Variants in CEMIP observed in about 807,000 individuals in gnomAD.
CEMIP encodes the protein cell migration inducing hyaluronidase 1, also known as cell migration-inducing and hyaluronan-binding protein.
In CEMIP, 105 loss-of-function variants were observed where a neutral mutation model predicts 156.9. The observed-to-expected ratio is 0.67, with a 90% CI of 0.57 to 0.79. CEMIP has a LOEUF of 0.79. Among genes scored for constraint, CEMIP ranks in the 30% least tolerant of loss-of-function variants. CEMIP has a pLI of 0.00. For synonymous variants in CEMIP, 676 were observed against 668.4 expected, an observed-to-expected ratio of 1.01 and a Z score of -0.17; for missense variants, 1,457 against 1,769.4, an observed-to-expected ratio of 0.82 and a Z score of 3.17.
At chr15:80,896,237 G>A in intron 12 of CEMIP, 177 bp downstream of exon 12, 1 of 739,638 alleles carries the variant, frequency 1.4e-6, no homozygotes, top group South Asian at 1.5e-5. Context: ...GTATCTGCAG[G>A]TTGTCTAGGG....
chr15:80,838,374 A>C (rs1013300653), intron 1 of CEMIP, among the ~76,000 whole-genome samples: 1 of 151,918 alleles, frequency 6.6e-6, no homozygotes, highest in Non-Finnish European at 1.5e-5. Context: ...CCGTTTTCAA[A>C]TGTTTGTTTG....
At chr15:80,886,255 G>A (rs530633977) in intron 7 of CEMIP, among the ~76,000 whole-genome samples, 1 of 152,244 alleles carries the variant, frequency 6.6e-6, no homozygotes, top group South Asian at 2.1e-4. Flanking sequence ...CCCAAAGAAG[G>A]TGGGGATGGC....
At chr15:80,882,293 T>C (rs569640641) in intron 6 of CEMIP, among the ~76,000 whole-genome samples, 7 of 152,178 alleles carry the variant, frequency 4.6e-5, no homozygotes, top group Non-Finnish European at 7.3e-5. Flanking sequence ...TCAATCTTCA[T>C]CAAAATTCTG....
intron 12 of CEMIP, among the ~76,000 whole-genome samples, chr15:80,904,340 G>A (rs1247033766): frequency 3.3e-5 from 5 of 152,174 alleles, no homozygotes; most frequent in South Asian, 2.1e-4. Context: ...ACAGTGAGCT[G>A]TGATCACACC....
intron 1 of CEMIP, among the ~76,000 whole-genome samples, chr15:80,784,312 G>T (rs879512155): frequency 2.0e-5 from 3 of 152,130 alleles, no homozygotes; most frequent in Non-Finnish European, 2.9e-5. Flanking sequence ...AGTTGTTCTG[G>T]CATGGAAGGT....
intron 1 of CEMIP, among the ~76,000 whole-genome samples, chr15:80,864,875 A>G: frequency 6.6e-6 from 1 of 152,094 alleles, no homozygotes; most frequent in East Asian, 1.9e-4. Flanking sequence ...CCACCCTCAG[A>G]TTTTTCTGAG....
chr15:80,817,026 A>G (rs1467451933), intron 1 of CEMIP, among the ~76,000 whole-genome samples: 1 of 152,224 alleles, frequency 6.6e-6, no homozygotes, highest in East Asian at 1.9e-4. Context: ...CCAGAAAAGA[A>G]TGGAGTTGGC....
chr15:80,878,654 G>A, intron 3 of CEMIP, 67 bp from the exon 4 acceptor site: 1 of 1,607,412 alleles, frequency 6.2e-7, no homozygotes, highest in East Asian at 2.2e-5. Context: ...GCCCCCTTTT[G>A]GCCTGTAGCA....
In CEMIP at chr15:80,948,825, C is replaced by A. The variant is rs757910996; in HGVS notation, c.3987C>A (p.Gly1329=). 6.2e-7 allele frequency: 1 copy of A among 1,614,222 alleles called. No homozygotes were observed. The highest frequency in any genetic ancestry group is 1.1e-5 in the South Asian group (1 of 91,088). Residue 1329 remains glycine (G), a synonymous_variant, in exon 30 of 30, where the codon GGC becomes GGA. Transcript: ENST00000394685. ...AAATGGCATTCGTTGGCTTCAAAGG[C>A]AGCTTCCGGCCCATCTGGGTGACAC... ...KEQMAFVGFK[G]SFRPIWVTLD...
At chr15:80,852,509 G>A (rs751805680) in intron 1 of CEMIP, among the ~76,000 whole-genome samples, 51 of 152,044 alleles carry the variant, frequency 3.4e-4, no homozygotes, top group Non-Finnish European at 6.5e-4. Flanking sequence ...GTTGCGTATC[G>A]AAGACAGCAT....
chr15:80,868,292 G>T (rs1898184864), intron 1 of CEMIP, among the ~76,000 whole-genome samples: 1 of 152,210 alleles, frequency 6.6e-6, no homozygotes, highest in Admixed American at 6.5e-5. Context: ...CAGGGGCAGA[G>T]AAATGGCTCA....
chr15:80,912,903 C>T (rs888973554), intron 14 of CEMIP, among the ~76,000 whole-genome samples: 3 of 152,136 alleles, frequency 2.0e-5, no homozygotes, highest in Admixed American at 1.3e-4. Context: ...CAGACAAAGA[C>T]GAGATCCTGA....
At chr15:80,835,463 CG>C (rs1897250850) in intron 1 of CEMIP, among the ~76,000 whole-genome samples, 1 of 152,218 alleles carries the variant, frequency 6.6e-6, no homozygotes, top group Admixed American at 6.5e-5. Context: ...TGTCAGGTCC[CG>C]GGTCTGGGTG....
chr15:80,806,300 G>A lies in CEMIP; in HGVS notation c.-176+26686G>A, dbSNP rs146084774. Among the ~76,000 whole-genome samples the A allele has an allele frequency of 4.4e-3, 671 of 151,314 alleles. 4 individuals are homozygous for A. The highest frequency in any genetic ancestry group is 0.015 in the African/African-American group (616 of 41,346). On this transcript the variant is annotated intron_variant, in intron 1 of 29. Transcript: ENST00000394685. Reference sequence around the variant, plus strand: ...AATGCAGATGGCGTTGAAATTGTGTGCAGCACTTCATTACAAGGGCTTATC... The same window carrying A: ...AATGCAGATGGCGTTGAAATTGTGTACAGCACTTCATTACAAGGGCTTATC...
At chr15:80,796,555 A>T (rs1031520513) in intron 1 of CEMIP, among the ~76,000 whole-genome samples, 1 of 152,176 alleles carries the variant, frequency 6.6e-6, no homozygotes, top group Non-Finnish European at 1.5e-5. Flanking sequence ...TGTCCCACTT[A>T]TGTGTGTGAT....
Position 80,808,750 on chromosome 15 carries a change from G to T in CEMIP, c.-176+29136G>T, listed in dbSNP as rs1896580586. On this transcript the variant is annotated intron_variant, in intron 1 of 29. Coordinates refer to ENST00000394685, the MANE Select transcript of CEMIP (RefSeq NM_001293298.2). ...AAAAAATCAATTCTATGAAATAAGA[G>T]ATAACAGGTTCAAGCGAAATAACAT... 2.7e-5 allele frequency among the ~76,000 whole-genome samples: 4 copies of T among 148,738 alleles called. 1 individual carries two copies. The South Asian group carries it at 8.5e-4, about 32-fold the overall frequency.
rs761624189 is a variant in CEMIP, at chr15:80,932,342, T to C, written c.2793+303T>C. On this transcript the variant is annotated intron_variant, in intron 22 of 29. Coordinates refer to ENST00000394685, the MANE Select transcript of CEMIP (RefSeq NM_001293298.2). The surrounding 1 kb of genome is among the most constrained non-coding windows in gnomAD (Gnocchi z 4.5). ...TTCCTAGGCTGTTCCTCCAAGGGAC[T>C]TGACTTTGACAAACTGAGTCTTCTG... is the stretch of plus-strand genomic sequence containing the variant. 2.6e-5 allele frequency among the ~76,000 whole-genome samples: 4 copies of C among 152,216 alleles called. No homozygotes were observed. Among genetic ancestry groups the C allele is most frequent in the South Asian group, 4.1e-4 (2 of 4,834 alleles).
At chr15:80,858,628 G>A (rs1224050495) in intron 1 of CEMIP, among the ~76,000 whole-genome samples, 1 of 152,076 alleles carries the variant, frequency 6.6e-6, no homozygotes, top group African/African-American at 2.4e-5. Flanking sequence ...AGGAGGCTGA[G>A]GCAGGAGAAT....
At chr15:80,780,845 G>T (rs79680128) in intron 1 of CEMIP, among the ~76,000 whole-genome samples, 3,303 of 152,258 alleles carry the variant, frequency 0.022, 86 homozygotes, top group East Asian at 0.11. Context: ...CGGGGAAGTC[G>T]TGCGCTTTCT....
Sources: gnomAD v4.1 joint callset for allele counts (sites outside exome capture counted in the v4.1 genomes callset) on GRCh38, gnomAD v4.1.1 for gene constraint, Gnocchi (gnomAD v3.1) non-coding constraint, MANE v1.5 for transcripts, NCBI Gene and HGNC (gene_info 2026-07-23, HGNC 2026-07-21) for gene names.